Variants in ADAMTS2 observed in about 807,000 individuals in gnomAD.
ADAMTS2 encodes the protein A disintegrin and metalloproteinase with thrombospondin motifs 2.
In ADAMTS2, 50 loss-of-function variants were observed where a neutral mutation model predicts 123.0. That is an observed-to-expected ratio of 0.41 (90% CI 0.32 to 0.51). The LOEUF (loss-of-function observed/expected upper bound fraction) is 0.51, where lower values mean the gene tolerates loss of function less well. Among genes scored for constraint, ADAMTS2 ranks in the 20% least tolerant of loss-of-function variants. ADAMTS2 has a pLI of 0.35. For synonymous variants in ADAMTS2, 678 were observed against 695.4 expected (o/e 0.98, Z 0.39); for missense variants, 1,494 against 1,705.2 (o/e 0.88, Z 2.18).
rs1757519989 is a variant in ADAMTS2, at chr5:179,332,993, C to T, written c.534+10774G>A. Among the ~76,000 whole-genome samples, 1 of 152,222 alleles carries T rather than the reference C, an allele frequency of 6.6e-6. No individual in the cohort carries two copies. Among genetic ancestry groups the T allele is most frequent in the South Asian group, 2.1e-4 (1 of 4,828 alleles). ...AGCCCTCACCCCCTTATCCTGCCCG[C>T]TTGCCTGTGAGGACCCCTCCCTACT... is the stretch of plus-strand genomic sequence containing the variant. On this transcript the variant is annotated intron_variant, in intron 2 of 21. Coordinates refer to ENST00000251582, the MANE Select transcript of ADAMTS2 (RefSeq NM_014244.5). The surrounding 1 kb of genome is among the most constrained non-coding windows in gnomAD (Gnocchi z 4.2).
intron 3 of ADAMTS2, 63 bp from the exon 4 acceptor site, chr5:179,207,778 G>A (rs1459227064): frequency 3.4e-6 from 5 of 1,484,932 alleles, no homozygotes; most frequent in South Asian, 1.1e-5. Flanking sequence ...AACCTACCAG[G>A]CGCCAGCTTG....
chr5:179,232,889 A>C (rs1031144560), intron 3 of ADAMTS2, among the ~76,000 whole-genome samples: 38 of 152,172 alleles, frequency 2.5e-4, no homozygotes, highest in Non-Finnish European at 4.4e-5. Flanking sequence ...CAAATGTTTA[A>C]ATTTCAAATC....
intron 2 of ADAMTS2, among the ~76,000 whole-genome samples, chr5:179,309,234 G>A (rs1442407934): frequency 1.3e-5 from 2 of 152,220 alleles, no homozygotes; most frequent in Non-Finnish European, 2.9e-5. Context: ...ACCCACTGGG[G>A]CAGACCCAGT....
At chr5:179,198,521 C>G (rs1397765308) in intron 4 of ADAMTS2, among the ~76,000 whole-genome samples, 1 of 152,218 alleles carries the variant, frequency 6.6e-6, no homozygotes, top group Non-Finnish European at 1.5e-5. Flanking sequence ...GCCAGGAGGG[C>G]TACAGCTGCG....
At position 179,225,606 on chromosome 5, in the gene ADAMTS2, G is replaced by A. The variant is rs1020559005; in HGVS notation, c.689-17891C>T. 3.3e-5 allele frequency among the ~76,000 whole-genome samples: 5 copies of A among 152,156 alleles called. No homozygotes were observed. Among genetic ancestry groups the A allele is most frequent in the African/African-American group, 1.2e-4 (5 of 41,420 alleles). ...CACACAGGCGGCTGGACGTCGAGAG[G>A]AACGCACCAACGAGCACCAGCACGC... On this transcript the variant is annotated intron_variant, in intron 3 of 21. Transcript: ENST00000251582. This position sits in a 1 kb window ranked among gnomAD's most constrained non-coding sequence, Gnocchi z 4.5.
intron 10 of ADAMTS2, among the ~76,000 whole-genome samples, chr5:179,150,167 G>A (rs1422821842): frequency 6.6e-6 from 1 of 152,138 alleles, no homozygotes; most frequent in Non-Finnish European, 1.5e-5. Flanking sequence ...GCCTGTGCAG[G>A]GCCTGCCTCC....
At chr5:179,334,205 C>T (rs114538953) in intron 2 of ADAMTS2, among the ~76,000 whole-genome samples, 107 of 152,300 alleles carry the variant, frequency 7.0e-4, no homozygotes, top group African/African-American at 2.4e-3. Context: ...AGAAGTCACC[C>T]GCGTGGCCGG....
At chr5:179,121,861 C>A in intron 20 of ADAMTS2, 111 bp from the exon 21 acceptor site, 1 of 680,746 alleles carries the variant, frequency 1.5e-6, no homozygotes. Flanking sequence ...ATTCAAGGCC[C>A]TCGCCTCCCC....
rs112285557 is a variant in ADAMTS2 at position 179,286,069 on chromosome 5, C to T, written c.535-13005G>A. On this transcript the variant is annotated intron_variant, in intron 2 of 21. Transcript: ENST00000251582. ...TCTCTACCAAAATACAACAAATTAG[C>T]GGGACATGGTGGTGGGCGTCTGTAG... 7.2e-3 allele frequency among the ~76,000 whole-genome samples: 1,089 copies of T among 152,126 alleles called. 13 individuals carry two copies. The highest frequency in any genetic ancestry group is 0.025 in the African/African-American group (1,033 of 41,508).
At chr5:179,161,018 A>G (rs552758233) in intron 5 of ADAMTS2, among the ~76,000 whole-genome samples, 5 of 152,306 alleles carry the variant, frequency 3.3e-5, no homozygotes, top group South Asian at 2.1e-4. Flanking sequence ...GCCAACCCAC[A>G]TTGAACATAC....
intron 2 of ADAMTS2, among the ~76,000 whole-genome samples, chr5:179,334,400 G>A (rs528865906): frequency 1.3e-5 from 2 of 152,340 alleles, no homozygotes; most frequent in East Asian, 3.9e-4. Context: ...AGAAGGGAGC[G>A]TTAAGAGTTA....
chr5:179,299,187 C>T (rs137997196), intron 2 of ADAMTS2, among the ~76,000 whole-genome samples: 7 of 151,870 alleles, frequency 4.6e-5, no homozygotes, highest in Admixed American at 2.6e-4. Context: ...GATGGAAAAA[C>T]GGTTAGTTTG....
intron 2 of ADAMTS2, among the ~76,000 whole-genome samples, chr5:179,338,297 C>T (rs907605053): frequency 2.0e-5 from 3 of 152,204 alleles, no homozygotes; most frequent in African/African-American, 2.4e-5. Context: ...CCTAGAGCCT[C>T]GGTTTCCTAC....
intron 3 of ADAMTS2, among the ~76,000 whole-genome samples, chr5:179,213,602 T>C (rs1279235619): frequency 9.9e-5 from 15 of 151,920 alleles, no homozygotes; most frequent in African/African-American, 3.4e-4. Flanking sequence ...GGGGCCACAC[T>C]GGGGGTGGGG....
intron 3 of ADAMTS2, among the ~76,000 whole-genome samples, chr5:179,223,495 C>T (rs1355989844): frequency 6.9e-6 from 1 of 145,420 alleles, no homozygotes; most frequent in Non-Finnish European, 1.5e-5. Flanking sequence ...GACTCACACT[C>T]ACATGCACAC....
At position 179,130,453 on chromosome 5, in the gene ADAMTS2, G is replaced by T. The variant is rs1470867238; in HGVS notation, c.2291-355C>A. On this transcript the variant is annotated intron_variant, in intron 15 of 21. Coordinates refer to ENST00000251582, the MANE Select transcript of ADAMTS2 (RefSeq NM_014244.5). This position sits in a 1 kb window ranked among gnomAD's most constrained non-coding sequence, Gnocchi z 4.3. ...CCACCCGGGGCAGGATGGCTGGGAG[G>T]GGTCTGTACGCGGTGCAGGGCATCT... is the stretch of plus-strand genomic sequence containing the variant. Among the ~76,000 whole-genome samples the T allele has an allele frequency of 6.6e-6, 1 of 152,220 alleles. No individual in the cohort carries two copies. Among genetic ancestry groups the T allele is most frequent in the Non-Finnish European group, 1.5e-5 (1 of 68,038 alleles).
chr5:179,154,012 T>A (rs1308350410), intron 8 of ADAMTS2, 37 bp downstream of exon 8: 2 of 1,579,334 alleles, frequency 1.3e-6, no homozygotes, highest in East Asian at 2.3e-5. Flanking sequence ...CCCCAGGGAC[T>A]GAGGGGTCGC....
In ADAMTS2 at chr5:179,235,295, G is replaced by A. The variant is rs563661071; in HGVS notation, c.689-27580C>T. 9.2e-5 allele frequency among the ~76,000 whole-genome samples: 14 copies of A among 152,356 alleles called. No homozygotes were observed. In the East Asian group the frequency reaches 1.2e-3, roughly 13 times the overall value. Reference sequence around the variant, plus strand: ...CTGCCTTGGCTGAGAGGAGGCTCATGAAGGTTTGGCACAATGGGATGAAGG... The same window carrying A: ...CTGCCTTGGCTGAGAGGAGGCTCATAAAGGTTTGGCACAATGGGATGAAGG... On this transcript the variant is annotated intron_variant, in intron 3 of 21. Transcript: ENST00000251582.
At chr5:179,212,141 T>G (rs2113385366) in intron 3 of ADAMTS2, among the ~76,000 whole-genome samples, 1 of 152,358 alleles carries the variant, frequency 6.6e-6, no homozygotes, top group African/African-American at 2.4e-5. Context: ...AACCTGGGAC[T>G]GAGTCTGCAA....
Sources: gnomAD v4.1 joint callset for allele counts (sites outside exome capture counted in the v4.1 genomes callset) on GRCh38, gnomAD v4.1.1 for gene constraint, Gnocchi (gnomAD v3.1) non-coding constraint, MANE v1.5 for transcripts, NCBI Gene and HGNC (gene_info 2026-07-23, HGNC 2026-07-21) for gene names.